The following HOXA3 variants were observed in gnomAD, a reference collection of about 807,000 sequenced individuals.
HOXA3 encodes the protein homeobox A3, also known as homeobox protein Hox-A3.
In HOXA3, 8 loss-of-function variants were observed where a neutral mutation model predicts 30.3. That is an observed-to-expected ratio of 0.26 (90% confidence interval 0.15 to 0.48). The LOEUF (loss-of-function observed/expected upper bound fraction) is 0.48. HOXA3 is among the 20% of genes least tolerant of loss of function. HOXA3 has a pLI of 0.99. For missense variants in HOXA3, 653 were observed against 614.4 expected (o/e 1.06, Z -0.66); for synonymous variants, 323 against 273.1 (o/e 1.18, Z -1.80).
intron 4 of HOXA3, among the ~76,000 whole-genome samples, chr7:27,117,157 A>G (rs772973345): frequency 3.9e-5 from 6 of 152,180 alleles, no homozygotes; most frequent in Non-Finnish European, 7.3e-5. Flanking sequence ...GGAAACATGC[A>G]GTTTAACTTT....
chr7:27,120,704 C>T (rs1784963764), intron 4 of HOXA3, among the ~76,000 whole-genome samples: 1 of 152,132 alleles, frequency 6.6e-6, no homozygotes. Flanking sequence ...TAACAATTAA[C>T]ATTAATGACT....
intron 2 of HOXA3, chr7:27,129,148 G>A (rs1363245974): frequency 2.3e-6 from 2 of 887,642 alleles, no homozygotes; most frequent in Non-Finnish European, 3.9e-6. Context: ...GATGGGGAGG[G>A]GTGGATGAGG....
rs1562721930 is a variant in HOXA3 at position 27,129,343 on chromosome 7, C to G, written c.-389-2273G>C. On this transcript the variant is annotated intron_variant, in intron 2 of 5. Coordinates refer to ENST00000612286, the MANE Select transcript of HOXA3 (RefSeq NM_153631.3). ...AGAGGCCGAGGCCGAATTGGAGGAT[C>G]GCATCTTGGTGTTGGGCAGTTTGTG... 6.2e-7 allele frequency: 1 copy of G among 1,614,076 alleles called. No individual in the cohort carries two copies. The highest frequency in any genetic ancestry group is 2.2e-5 in the East Asian group (1 of 44,858).
intron 2 of HOXA3, among the ~76,000 whole-genome samples, chr7:27,135,394 G>A (rs753247232): frequency 2.0e-5 from 3 of 151,934 alleles, no homozygotes; most frequent in Non-Finnish European, 4.4e-5. Context: ...TTTCCAAACA[G>A]GAACATTTTC....
chr7:27,136,645 G>A (rs952585430), intron 2 of HOXA3, among the ~76,000 whole-genome samples: 4 of 152,166 alleles, frequency 2.6e-5, no homozygotes, highest in Non-Finnish European at 5.9e-5. Flanking sequence ...AGTGAACTGC[G>A]CGGGCGTCAT....
intron 2 of HOXA3, among the ~76,000 whole-genome samples, chr7:27,139,219 G>A (rs1397431926): frequency 6.6e-6 from 1 of 152,206 alleles, no homozygotes; most frequent in Non-Finnish European, 1.5e-5. Flanking sequence ...CGGCCATAAA[G>A]TTTATTGCTT....
chr7:27,130,318 T>C lies in HOXA3; in HGVS notation c.-389-3248A>G. On this transcript the variant is annotated intron_variant, in intron 2 of 5. Coordinates refer to ENST00000612286, the MANE Select transcript of HOXA3 (RefSeq NM_153631.3). ...GCGAGGCTGCAGGGGCGGCGGCAGC[T>C]GGGGCTGCAGGACGTGGCTCGCATG... 1.8e-6 allele frequency: 2 copies of C among 1,091,082 alleles called. No homozygotes were observed. Among genetic ancestry groups the C allele is most frequent in the Non-Finnish European group, 2.2e-6 (2 of 898,252 alleles). 67.6% of individuals were successfully genotyped at this position (1,091,082 alleles called of 1,614,324 possible). A position where few individuals can be genotyped will look rare whatever the true frequency, so the allele number is the denominator to read the frequency against.
chr7:27,147,561 C>G (rs781073592), intron 1 of HOXA3: 9 of 1,614,238 alleles, frequency 5.6e-6, no homozygotes, highest in Non-Finnish European at 7.6e-6. Flanking sequence ...AGGCCAGGAC[C>G]GAGTTGGACT....
intron 2 of HOXA3, among the ~76,000 whole-genome samples, chr7:27,136,700 C>T (rs1016024101): frequency 3.3e-5 from 5 of 152,204 alleles, no homozygotes; most frequent in Non-Finnish European, 7.3e-5. Flanking sequence ...GGCTGCTTCA[C>T]AAAATCGCAA....
chr7:27,116,137 A>T (rs1784711500), intron 4 of HOXA3: 1 of 152,412 alleles, frequency 6.6e-6, no homozygotes, highest in Non-Finnish European at 1.5e-5. Flanking sequence ...TACTGAGAGG[A>T]CCCCTTGGTT....
chr7:27,149,200 G>T (rs1057085429), intron 1 of HOXA3, among the ~76,000 whole-genome samples: 8 of 152,258 alleles, frequency 5.3e-5, no homozygotes, highest in Non-Finnish European at 8.8e-5. Context: ...TTTGTAAAAT[G>T]TGATAGCAGC....
Position 27,108,466 on chromosome 7 carries a change from C to A in HOXA3, c.781G>T (p.Gly261Cys), listed in dbSNP as rs1426166813. ...ACGGGGCTGCGACTTGGAGACTGGCCCCCCGATGACGTTAGCATGCCCTTG... is the reference window on the plus strand; with the variant it reads ...ACGGGGCTGCGACTTGGAGACTGGCACCCCGATGACGTTAGCATGCCCTTG... ...KGKGMLTSSG[G>C]QSPSRSPVPP... The change falls in exon 6 of 6, where the codon GGC becomes TGC. Residue 261 changes from glycine (G) to cysteine (C), a missense_variant. Transcript: ENST00000612286. The surrounding 1 kb of genome is among the most constrained non-coding windows in gnomAD (Gnocchi z 5.0). 2.5e-6 allele frequency: 4 copies of A among 1,613,916 alleles called. No individual in the cohort carries two copies. The highest frequency in any genetic ancestry group is 3.4e-6 in the Non-Finnish European group (4 of 1,179,970).
chr7:27,107,687 A>G lies in HOXA3; in HGVS notation c.*228T>C. ...TATCGAGGAGCAGGAAGAGATAAAT[A>G]TCGCTATGATACAGCCATTCCAGCA... On this transcript the variant is annotated 3_prime_UTR_variant, in exon 6 of 6. Transcript: ENST00000612286. 2.3e-6 allele frequency: 1 copy of G among 426,192 alleles called. No individual in the cohort carries two copies. Among genetic ancestry groups the G allele is most frequent in the Non-Finnish European group, 4.1e-6 (1 of 241,092 alleles). 26.4% of individuals were successfully genotyped at this position (426,192 alleles called of 1,614,324 possible).
intron 1 of HOXA3, chr7:27,147,191 G>T: frequency 2.8e-6 from 3 of 1,061,314 alleles, no homozygotes; most frequent in Non-Finnish European, 4.0e-6. Flanking sequence ...AAGAAACTTT[G>T]CTGGTTCTTT....
chr7:27,152,070 A>G (rs1782989100), intron 1 of HOXA3, among the ~76,000 whole-genome samples: 2 of 150,814 alleles, frequency 1.3e-5, no homozygotes. Context: ...GGGGAGAGAA[A>G]GGGAGTGGTG....
chr7:27,127,369 T>C (rs1227950643), intron 2 of HOXA3, among the ~76,000 whole-genome samples: 1 of 152,188 alleles, frequency 6.6e-6, no homozygotes. Flanking sequence ...ATCTGATTTG[T>C]AGGTATAGAA....
At chr7:27,116,314 G>A (rs1784721100) in intron 4 of HOXA3, 1 of 152,722 alleles carries the variant, frequency 6.5e-6, no homozygotes, top group Non-Finnish European at 1.5e-5. Flanking sequence ...GGCCTCTGGC[G>A]GTTCCAAGGC....
At chr7:27,141,608 T>G (rs1451941818) in intron 1 of HOXA3, 1 of 431,390 alleles carries the variant, frequency 2.3e-6, no homozygotes, top group Non-Finnish European at 4.0e-6. Context: ...AAACATCTAT[T>G]TTTTTTCAAG....
At chr7:27,131,969 G>A (rs1859166) in intron 2 of HOXA3, among the ~76,000 whole-genome samples, 104,908 of 152,126 alleles carry the variant, frequency 0.69, 38,514 homozygotes, top group East Asian at 0.85. Flanking sequence ...CTGCTATTTG[G>A]TAATTGAAAT....
Sources: gnomAD v4.1 joint callset for allele counts (sites outside exome capture counted in the v4.1 genomes callset) on GRCh38, gnomAD v4.1.1 for gene constraint, Gnocchi (gnomAD v3.1) non-coding constraint, MANE v1.5 for transcripts, NCBI Gene and HGNC (gene_info 2026-07-23, HGNC 2026-07-21) for gene names.